CDK19: variants seen among roughly 807,000 people sequenced by gnomAD.
CDK19 encodes the protein cyclin dependent kinase 19.
In CDK19, 20 loss-of-function variants were observed where a neutral mutation model predicts 68.3. That is an observed-to-expected ratio of 0.29 (90% confidence interval 0.21 to 0.43). The LOEUF (loss-of-function observed/expected upper bound fraction) is 0.43, where lower values mean the gene tolerates loss of function less well. Among genes scored for constraint, CDK19 ranks in the 20% least tolerant of loss-of-function variants. The pLI is 1.00. For synonymous variants in CDK19, 221 were observed against 222.8 expected (o/e 0.99, Z 0.07); for missense variants, 339 against 623.5 (o/e 0.54, Z 4.86).
chr6:110,730,636 T>C (rs1582969865), intron 2 of CDK19, among the ~76,000 whole-genome samples: 3 of 152,254 alleles, frequency 2.0e-5, no homozygotes, highest in South Asian at 2.1e-4. Flanking sequence ...CCAGCTGCTA[T>C]TCAACAATTC....
At chr6:110,643,469 G>A (rs1051552874) in intron 4 of CDK19, among the ~76,000 whole-genome samples, 1 of 152,198 alleles carries the variant, frequency 6.6e-6, no homozygotes, top group African/African-American at 2.4e-5. Flanking sequence ...AACTTCGTAT[G>A]TTCTCACTTA....
intron 2 of CDK19, among the ~76,000 whole-genome samples, chr6:110,741,882 G>T (rs909065898): frequency 6.6e-6 from 1 of 152,098 alleles, no homozygotes; most frequent in African/African-American, 2.4e-5. Flanking sequence ...TACAAAAACT[G>T]AAAGAATACA....
intron 4 of CDK19, among the ~76,000 whole-genome samples, chr6:110,653,598 T>A (rs1380888461): frequency 6.6e-6 from 1 of 152,078 alleles, no homozygotes; most frequent in African/African-American, 2.4e-5. Context: ...ATGGCAAGAG[T>A]TGGATGCCTC....
At chr6:110,719,690 T>C (rs1008847378) in intron 2 of CDK19, among the ~76,000 whole-genome samples, 5 of 152,146 alleles carry the variant, frequency 3.3e-5, no homozygotes, top group African/African-American at 7.2e-5. Context: ...TGCTACTGTT[T>C]CTCTTAAATA....
chr6:110,616,178 T>C (rs1404155717), intron 12 of CDK19, among the ~76,000 whole-genome samples: 1 of 152,214 alleles, frequency 6.6e-6, no homozygotes, highest in Non-Finnish European at 1.5e-5. Context: ...AAATTGGCTC[T>C]ATCTGGGCAG....
chr6:110,783,783 A>C (rs1300957266), intron 1 of CDK19, among the ~76,000 whole-genome samples: 1 of 152,206 alleles, frequency 6.6e-6, no homozygotes, highest in African/African-American at 2.4e-5. Context: ...AAGAAAAAAA[A>C]GAGATGGATT....
intron 5 of CDK19, among the ~76,000 whole-genome samples, chr6:110,633,083 G>A (rs570352084): frequency 6.6e-6 from 1 of 152,104 alleles, no homozygotes; most frequent in Non-Finnish European, 1.5e-5. Flanking sequence ...GCTGGGCGTG[G>A]TGGCGCGCAC....
chr6:110,614,046 G>A lies in CDK19; in HGVS notation c.*489C>T, dbSNP rs1343031328. On this transcript the variant is annotated 3_prime_UTR_variant, in exon 13 of 13. Transcript: ENST00000368911. The stretch of plus-strand genomic sequence containing the variant: ...TTTCTGTTTAAGACTTCCATGAGCA[G>A]AACAGTTATTGTCTGTGAAAACGTA... 1.3e-5 allele frequency: 2 copies of A among 152,878 alleles called. No individual in the cohort carries two copies. Among genetic ancestry groups the A allele is most frequent in the Admixed American group, 1.3e-4 (2 of 15,306 alleles). The allele number at this position is 152,878 out of a possible 1,614,324, so 9.5% of individuals were successfully genotyped here.
At chr6:110,695,280 T>G (rs1207127044) in intron 2 of CDK19, among the ~76,000 whole-genome samples, 3 of 152,152 alleles carry the variant, frequency 2.0e-5, no homozygotes, top group Non-Finnish European at 4.4e-5. Context: ...GAAATCAAGA[T>G]GAAAATTTAA....
chr6:110,732,109 T>C (rs1336819064), intron 2 of CDK19, among the ~76,000 whole-genome samples: 1 of 143,562 alleles, frequency 7.0e-6, no homozygotes, highest in Non-Finnish European at 1.5e-5. Context: ...CTGCGCCATC[T>C]AGCTAACAGA....
At chr6:110,624,072 G>A (rs1778933274) in intron 8 of CDK19, among the ~76,000 whole-genome samples, 1 of 151,670 alleles carries the variant, frequency 6.6e-6, no homozygotes, top group African/African-American at 2.4e-5. Context: ...GAAAAAGCAA[G>A]TTGCAGAAGA....
At chr6:110,668,096 T>C (rs1782055825) in intron 3 of CDK19, among the ~76,000 whole-genome samples, 1 of 152,018 alleles carries the variant, frequency 6.6e-6, no homozygotes, top group Non-Finnish European at 1.5e-5. Flanking sequence ...AGAGAAAAAA[T>C]AGGAAATTCG....
At chr6:110,702,916 A>C (rs909895658) in intron 2 of CDK19, among the ~76,000 whole-genome samples, 1 of 152,246 alleles carries the variant, frequency 6.6e-6, no homozygotes, top group African/African-American at 2.4e-5. Context: ...GTATTAATAT[A>C]ACAAATAGCA....
At chr6:110,671,969 G>A (rs1771047399) in intron 2 of CDK19, among the ~76,000 whole-genome samples, 1 of 152,032 alleles carries the variant, frequency 6.6e-6, no homozygotes, top group Non-Finnish European at 1.5e-5. Context: ...GTAGAGATAG[G>A]GTTTTACCAT....
Position 110,621,446 on chromosome 6 carries a change from T to C in CDK19, c.1111-76A>G, listed in dbSNP as rs934613882. 6 of 1,467,404 alleles carry C rather than the reference T, an allele frequency of 4.1e-6. No homozygotes were observed. Among genetic ancestry groups the C allele is most frequent in the Non-Finnish European group, 5.5e-6 (6 of 1,092,800 alleles). The allele number at this position is 1,467,404 out of a possible 1,614,324, so 90.9% of individuals were successfully genotyped here. A position where few individuals can be genotyped will look rare whatever the true frequency, so the allele number is the denominator to read the frequency against. ...TTTCTTTAATTATTTGATATGCACA[T>C]GTGGCTGCTGACCAACCTGGGGGAG... On this transcript the variant is annotated intron_variant, in intron 11 of 12. Coordinates refer to ENST00000368911, the MANE Select transcript of CDK19 (RefSeq NM_015076.5). This position sits in a 1 kb window ranked among gnomAD's most constrained non-coding sequence, Gnocchi z 5.4.
intron 2 of CDK19, among the ~76,000 whole-genome samples, chr6:110,739,967 T>C (rs1042061042): frequency 6.6e-6 from 1 of 152,070 alleles, no homozygotes; most frequent in Non-Finnish European, 1.5e-5. Context: ...ATAATCTTTA[T>C]ATCCTACAAA....
chr6:110,728,195 G>T (rs2114780942), intron 2 of CDK19, among the ~76,000 whole-genome samples: 1 of 151,396 alleles, frequency 6.6e-6, no homozygotes, highest in Non-Finnish European at 1.5e-5. Context: ...GGCTAAGGCA[G>T]CAGAATTGCT....
chr6:110,709,524 A>C (rs1774781425), intron 2 of CDK19, among the ~76,000 whole-genome samples: 1 of 152,070 alleles, frequency 6.6e-6, no homozygotes, highest in Non-Finnish European at 1.5e-5. Flanking sequence ...AAAAAAAAGA[A>C]AGGTTTGCCT....
chr6:110,663,080 A>C (rs2114376502), intron 4 of CDK19, among the ~76,000 whole-genome samples: 1 of 152,188 alleles, frequency 6.6e-6, no homozygotes, highest in East Asian at 1.9e-4. Context: ...ATTTACTTTA[A>C]ATTTTTTATA....
Sources: gnomAD v4.1 joint callset for allele counts (sites outside exome capture counted in the v4.1 genomes callset) on GRCh38, gnomAD v4.1.1 for gene constraint, Gnocchi (gnomAD v3.1) non-coding constraint, MANE v1.5 for transcripts, NCBI Gene and HGNC (gene_info 2026-07-23, HGNC 2026-07-21) for gene names.